EPM2A: variants seen among roughly 807,000 people sequenced by gnomAD.
EPM2A encodes the protein EPM2A glucan phosphatase, laforin.
In EPM2A, 21 loss-of-function variants were observed where a neutral mutation model predicts 26.5. The ratio of observed to expected loss-of-function variants is 0.79; its 90% CI spans 0.56 to 1.14. The LOEUF (loss-of-function observed/expected upper bound fraction) is 1.14. EPM2A is among the 50% of genes most tolerant of loss of function. The pLI is 0.00. For synonymous variants in EPM2A, 217 were observed against 177.6 expected, an observed-to-expected ratio of 1.22 and a Z score of -1.76; for missense variants, 458 against 440.8, an observed-to-expected ratio of 1.04 and a Z score of -0.35.
chr6:145,735,484 A>G lies in EPM2A; in HGVS notation c.15T>C (p.Phe5=). ...CCACGGCGGGTGGCACCACCACCCC[A>G]AAGCGGAAGCGCATGGCGGGCGGCG... is the stretch of plus-strand genomic sequence containing the variant. MRFR[F]GVVVPPAVAG... Residue 5 remains phenylalanine (F), a synonymous_variant, in exon 1 of 4, where the codon TTT becomes TTC. Transcript: ENST00000367519. 8.4e-7 allele frequency: 1 copy of G among 1,195,376 alleles called. No individual in the cohort carries two copies. Among genetic ancestry groups the G allele is most frequent in the Non-Finnish European group, 1.0e-6 (1 of 965,420 alleles). The allele number at this position is 1,195,376 out of a possible 1,614,324, so 74.0% of individuals were successfully genotyped here.
At chr6:145,671,622 G>A (rs1448616229) in intron 2 of EPM2A, among the ~76,000 whole-genome samples, 1 of 152,124 alleles carries the variant, frequency 6.6e-6, no homozygotes, top group African/African-American at 2.4e-5. Flanking sequence ...ATTGTTCCAA[G>A]GTTACCCATG....
intron 2 of EPM2A, among the ~76,000 whole-genome samples, chr6:145,551,565 T>G (rs1220240589): frequency 6.6e-6 from 1 of 152,140 alleles, no homozygotes; most frequent in African/African-American, 2.4e-5. Flanking sequence ...AACTTGGCCT[T>G]CAAATGGGTT....
chr6:145,437,547 G>T (rs906285649), intron 4 of EPM2A, among the ~76,000 whole-genome samples: 1 of 152,130 alleles, frequency 6.6e-6, no homozygotes, highest in Non-Finnish European at 1.5e-5. Flanking sequence ...TTTTCACCAA[G>T]AATCAGTTGA....
chr6:145,674,937 C>T (rs765082959), intron 2 of EPM2A, among the ~76,000 whole-genome samples: 2 of 152,092 alleles, frequency 1.3e-5, no homozygotes, highest in African/African-American at 2.4e-5. Context: ...ACAGAGAACA[C>T]CACGAAGATA....
rs1196956034 is a variant in EPM2A at position 145,673,138 on chromosome 6, A to G, written c.476+12984T>C. On this transcript the variant is annotated intron_variant, in intron 2 of 3. Coordinates refer to ENST00000367519, the MANE Select transcript of EPM2A (RefSeq NM_005670.4). ...AAATTTGTTTTTAAAATTAAAAAAAAAAACAATTGTTTGCTGTCTCCCTAG... is the reference window on the plus strand; with the variant it reads ...AAATTTGTTTTTAAAATTAAAAAAAGAAACAATTGTTTGCTGTCTCCCTAG... 2.6e-5 allele frequency among the ~76,000 whole-genome samples: 4 copies of G among 152,326 alleles called. No individual in the cohort carries two copies. The East Asian group carries it at 7.7e-4, about 29-fold the overall frequency.
At chr6:145,609,763 G>C (rs1320219590) in intron 2 of EPM2A, among the ~76,000 whole-genome samples, 2 of 152,122 alleles carry the variant, frequency 1.3e-5, no homozygotes, top group Admixed American at 6.5e-5. Flanking sequence ...CTTTGAGTGT[G>C]GTAGGACTTT....
intron 1 of EPM2A, among the ~76,000 whole-genome samples, chr6:145,690,976 T>TA (rs879100094): frequency 0.014 from 1,995 of 137,796 alleles, 24 homozygotes; most frequent in African/African-American, 0.032. Flanking sequence ...TAGGCTGAAT[T>TA]AAAAAAAAAA....
intron 2 of EPM2A, among the ~76,000 whole-genome samples, chr6:145,592,627 TC>T (rs1460321061): frequency 5.9e-5 from 9 of 152,176 alleles, no homozygotes; most frequent in African/African-American, 2.2e-4. Context: ...TTTCTCCATA[TC>T]CTCTCCAGTA....
At chr6:145,475,398 GT>G (rs1779529853) in intron 4 of EPM2A, among the ~76,000 whole-genome samples, 1 of 152,094 alleles carries the variant, frequency 6.6e-6, no homozygotes, top group Admixed American at 6.6e-5. Context: ...TCACTCATAA[GT>G]TGGAGTTGAA....
chr6:145,388,161 G>T (rs1347576830), intron 4 of EPM2A, among the ~76,000 whole-genome samples: 1 of 152,186 alleles, frequency 6.6e-6, no homozygotes, highest in East Asian at 1.9e-4. Flanking sequence ...GGTGGTGAAT[G>T]CTTACAGATT....
At chr6:145,389,784 G>A (rs1345787322) in intron 4 of EPM2A, among the ~76,000 whole-genome samples, 2 of 152,100 alleles carry the variant, frequency 1.3e-5, no homozygotes, top group Non-Finnish European at 2.9e-5. Flanking sequence ...CATCCTTGAG[G>A]TGTAGTCACA....
intron 4 of EPM2A, among the ~76,000 whole-genome samples, chr6:145,494,168 A>ACC (rs1562357381): frequency 8.8e-4 from 134 of 152,258 alleles, no homozygotes; most frequent in African/African-American, 3.1e-3. Flanking sequence ...TGAACTCATT[A>ACC]TTGGTCTGTA....
At chr6:145,691,545 A>T (rs778430554) in intron 1 of EPM2A, among the ~76,000 whole-genome samples, 66 of 152,262 alleles carry the variant, frequency 4.3e-4, no homozygotes, top group Middle Eastern at 3.4e-3. Context: ...AGTAAACAAA[A>T]TTATAAGTAA....
intron 2 of EPM2A, among the ~76,000 whole-genome samples, chr6:145,685,775 C>T (rs1343955038): frequency 6.6e-6 from 1 of 152,128 alleles, no homozygotes; most frequent in Admixed American, 6.5e-5. Flanking sequence ...TTTTGTTTCA[C>T]TGGTAGTCAG....
chr6:145,558,679 C>A (rs185614629), intron 2 of EPM2A, among the ~76,000 whole-genome samples: 1 of 151,914 alleles, frequency 6.6e-6, no homozygotes, highest in Non-Finnish European at 1.5e-5. Flanking sequence ...GCCATTTGTA[C>A]GTGCTTTTCG....
chr6:145,446,533 T>C (rs1779130841), intron 4 of EPM2A, among the ~76,000 whole-genome samples: 1 of 152,212 alleles, frequency 6.6e-6, no homozygotes, highest in Admixed American at 6.5e-5. Flanking sequence ...AAGTATTTAA[T>C]GTTGGTGGAT....
intron 2 of EPM2A, among the ~76,000 whole-genome samples, chr6:145,522,262 T>C (rs916012323): frequency 1.3e-5 from 2 of 152,192 alleles, no homozygotes; most frequent in African/African-American, 2.4e-5. Flanking sequence ...AAGTATTGCA[T>C]GTTTTTATAA....
chr6:145,508,546 C>T (rs908215889), intron 2 of EPM2A, among the ~76,000 whole-genome samples: 5 of 149,802 alleles, frequency 3.3e-5, no homozygotes, highest in Admixed American at 6.7e-5. Context: ...ACAACACAGT[C>T]ATACCCTCAA....
chr6:145,628,359 G>C (rs531295061), intron 3 of EPM2A: 2 of 153,746 alleles, frequency 1.3e-5, no homozygotes, highest in African/African-American at 4.8e-5. Context: ...TTGATTATTA[G>C]ATTATTCAAA....
Sources: gnomAD v4.1 joint callset for allele counts (sites outside exome capture counted in the v4.1 genomes callset) on GRCh38, gnomAD v4.1.1 for gene constraint, MANE v1.5 for transcripts, NCBI Gene and HGNC (gene_info 2026-07-23, HGNC 2026-07-21) for gene names.